The following ADIPOR2 variants were observed in gnomAD, a reference collection of about 807,000 sequenced individuals.
ADIPOR2 encodes the protein adiponectin receptor protein 2.
ADIPOR2 carries 18 observed loss-of-function variants against 40.9 expected under a neutral mutation model. That is an observed-to-expected ratio of 0.44 (90% confidence interval 0.30 to 0.65). ADIPOR2 has a LOEUF of 0.65. Ranked by LOEUF, ADIPOR2 falls within the 30% of genes least tolerant of loss-of-function variation. The probability of loss-of-function intolerance (pLI) is 0.09; values close to 1 mark genes in which losing one functional copy is unlikely to be tolerated. For synonymous variants in ADIPOR2, 165 were observed against 166.4 expected (o/e 0.99, Z 0.06); for missense variants, 283 against 479.2 (o/e 0.59, Z 3.82).
intron 1 of ADIPOR2, among the ~76,000 whole-genome samples, chr12:1,745,103 G>GC (rs1474905712): frequency 6.6e-6 from 1 of 152,174 alleles, no homozygotes; most frequent in Non-Finnish European, 1.5e-5. Context: ...AGAGGAATGA[G>GC]CAGGAACCTT....
chr12:1,748,321 T>C (rs954641953), intron 1 of ADIPOR2, among the ~76,000 whole-genome samples: 1 of 152,132 alleles, frequency 6.6e-6, no homozygotes, highest in Non-Finnish European at 1.5e-5. Context: ...CGATCTCGGC[T>C]CACTGCAAAC....
intron 1 of ADIPOR2, among the ~76,000 whole-genome samples, chr12:1,710,547 G>A (rs1326172578): frequency 2.6e-5 from 4 of 152,010 alleles, no homozygotes; most frequent in South Asian, 2.1e-4. Flanking sequence ...AGCAACTAGC[G>A]CGGCCACCGG....
intron 1 of ADIPOR2, among the ~76,000 whole-genome samples, chr12:1,748,342 G>A (rs557115965): frequency 3.7e-4 from 57 of 152,048 alleles, no homozygotes; most frequent in South Asian, 1.9e-3. Context: ...TCCGCCTCCC[G>A]GGTTCACGCC....
intron 1 of ADIPOR2, among the ~76,000 whole-genome samples, chr12:1,735,515 T>C (rs1338471959): frequency 6.6e-6 from 1 of 152,228 alleles, no homozygotes; most frequent in African/African-American, 2.4e-5. Context: ...TGGGGTTTTC[T>C]AGATATACAA....
intron 1 of ADIPOR2, among the ~76,000 whole-genome samples, chr12:1,717,724 C>G (rs1430750331): frequency 6.6e-6 from 1 of 151,400 alleles, no homozygotes; most frequent in East Asian, 1.9e-4. Flanking sequence ...AAAAAAAATT[C>G]AGCTTCTGAA....
At chr12:1,734,197 C>T (rs1387992155) in intron 1 of ADIPOR2, among the ~76,000 whole-genome samples, 2 of 152,200 alleles carry the variant, frequency 1.3e-5, no homozygotes, top group Non-Finnish European at 2.9e-5. Context: ...CTGACTTCCA[C>T]AATGGTTGAA....
At chr12:1,772,737 G>T (rs890632872) in intron 2 of ADIPOR2, 105 bp from the exon 3 acceptor site, 30 of 1,402,928 alleles carry the variant, frequency 2.1e-5, no homozygotes, top group Non-Finnish European at 2.9e-5. Context: ...CTAAGGCCTT[G>T]TTTTGACCTT....
intron 1 of ADIPOR2, among the ~76,000 whole-genome samples, chr12:1,710,357 G>T (rs138738064): frequency 6.6e-6 from 1 of 152,124 alleles, no homozygotes; most frequent in African/African-American, 2.4e-5. Flanking sequence ...AACACTCACC[G>T]TGAAGGTCTG....
intron 2 of ADIPOR2, among the ~76,000 whole-genome samples, chr12:1,762,712 G>A (rs189346093): frequency 6.6e-6 from 1 of 152,184 alleles, no homozygotes; most frequent in Non-Finnish European, 1.5e-5. Flanking sequence ...ATTTGAATAT[G>A]TTATTCGTTC....
chr12:1,769,852 CT>C (rs1862460834), intron 2 of ADIPOR2, among the ~76,000 whole-genome samples: 1 of 151,510 alleles, frequency 6.6e-6, no homozygotes, highest in Admixed American at 6.6e-5. Flanking sequence ...GGAAATAATT[CT>C]TTTATAAAGA....
chr12:1,703,527 A>G (rs1280728049), intron 1 of ADIPOR2, among the ~76,000 whole-genome samples: 1 of 152,072 alleles, frequency 6.6e-6, no homozygotes, highest in Non-Finnish European at 1.5e-5. Flanking sequence ...CTTGAGCCCA[A>G]GGGTTCGAGA....
At chr12:1,764,792 A>G (rs898179602) in intron 2 of ADIPOR2, among the ~76,000 whole-genome samples, 4 of 152,042 alleles carry the variant, frequency 2.6e-5, no homozygotes, top group Middle Eastern at 3.2e-3. Context: ...TAATCATTCC[A>G]TATGTACTCT....
chr12:1,736,085 G>A (rs1000752386), intron 1 of ADIPOR2, among the ~76,000 whole-genome samples: 2 of 152,176 alleles, frequency 1.3e-5, no homozygotes, highest in South Asian at 4.1e-4. Context: ...CCAGGCTTTG[G>A]TATCAGGATG....
Position 1,736,631 on chromosome 12 carries a change from T to C in ADIPOR2, c.-86-17627T>C, listed in dbSNP as rs551736765. On this transcript the variant is annotated intron_variant, in intron 1 of 7. Coordinates refer to ENST00000357103, the MANE Select transcript of ADIPOR2 (RefSeq NM_024551.3). ...ATCCCCTTCAGTTCTGCTCTGATCT[T>C]AGTTATTTCTTGTTTTCTGCTAGCT... Among the ~76,000 whole-genome samples, 651 of 152,326 alleles carry C rather than the reference T, an allele frequency of 4.3e-3. 1 individual carries two copies. Among genetic ancestry groups the C allele is most frequent in the African/African-American group, 0.015 (632 of 41,574 alleles).
intron 1 of ADIPOR2, among the ~76,000 whole-genome samples, chr12:1,714,718 C>T (rs973706319): frequency 5.3e-5 from 8 of 152,092 alleles, no homozygotes; most frequent in African/African-American, 1.7e-4. Context: ...TCCCTTTCTT[C>T]GACTGTCATT....
At chr12:1,713,610 A>G (rs2094681861) in intron 1 of ADIPOR2, among the ~76,000 whole-genome samples, 1 of 152,054 alleles carries the variant, frequency 6.6e-6, no homozygotes, top group Non-Finnish European at 1.5e-5. Flanking sequence ...ACAAATTGGT[A>G]ACTTGTTCCC....
At chr12:1,706,585 G>T (rs1258226089) in intron 1 of ADIPOR2, among the ~76,000 whole-genome samples, 16 of 151,918 alleles carry the variant, frequency 1.1e-4, no homozygotes, top group Admixed American at 1.1e-3. Context: ...TGTTTTATTA[G>T]GATTTAAAAT....
chr12:1,751,347 G>T (rs1356727739), intron 1 of ADIPOR2, among the ~76,000 whole-genome samples: 1 of 152,008 alleles, frequency 6.6e-6, no homozygotes, highest in Non-Finnish European at 1.5e-5. Context: ...GTATTGATAG[G>T]AATGTATATT....
At chr12:1,765,295 C>T (rs1249857456) in intron 2 of ADIPOR2, among the ~76,000 whole-genome samples, 1 of 152,136 alleles carries the variant, frequency 6.6e-6, no homozygotes, top group African/African-American at 2.4e-5. Flanking sequence ...ATTCAGTCTA[C>T]AGATTACATT....
Sources: allele counts gnomAD v4.1 joint callset (sites outside exome capture counted in the v4.1 genomes callset), GRCh38; gene constraint gnomAD v4.1.1; transcripts MANE v1.5; gene names NCBI Gene and HGNC (gene_info 2026-07-23, HGNC 2026-07-21).